Variants in TUSC3 observed in about 807,000 individuals in gnomAD.
The protein encoded by TUSC3 is tumor suppressor candidate 3.
A neutral mutation model predicts 44.8 loss-of-function variants in TUSC3; 45 were observed. The ratio of observed to expected loss-of-function variants is 1.00; its 90% CI spans 0.79 to 1.29. TUSC3 has a LOEUF of 1.29. TUSC3 is among the 50% of genes most tolerant of loss of function. The pLI, the probability that TUSC3 is intolerant of heterozygous loss-of-function variation, is 0.00. For missense variants in TUSC3, 519 were observed against 437.9 expected (o/e 1.19, Z -1.65); for synonymous variants, 212 against 152.9 (o/e 1.39, Z -2.85).
At chr8:15,442,914 G>A (rs949069542) in intron 1 of TUSC3, among the ~76,000 whole-genome samples, 2 of 151,962 alleles carry the variant, frequency 1.3e-5, no homozygotes, top group African/African-American at 2.4e-5. Flanking sequence ...TCTCTCCCCC[G>A]ACTCTTATTA....
At chr8:15,438,432 G>A (rs533135640) in intron 1 of TUSC3, among the ~76,000 whole-genome samples, 1 of 148,076 alleles carries the variant, frequency 6.8e-6, no homozygotes, top group Non-Finnish European at 1.5e-5. Context: ...TGCATATAAA[G>A]TATGTGCATG....
At chr8:15,568,106 T>C (rs1407743270) in intron 1 of TUSC3, among the ~76,000 whole-genome samples, 3 of 152,142 alleles carry the variant, frequency 2.0e-5, no homozygotes, top group Non-Finnish European at 4.4e-5. Context: ...AGCCATTCTC[T>C]GAGATTTGTC....
chr8:15,653,391 T>C (rs1415690293), intron 3 of TUSC3, among the ~76,000 whole-genome samples: 1 of 152,246 alleles, frequency 6.6e-6, no homozygotes, highest in African/African-American at 2.4e-5. Flanking sequence ...AAATCTTCTG[T>C]GATATTATTA....
intron 1 of TUSC3, among the ~76,000 whole-genome samples, chr8:15,591,035 C>A (rs1193997016): frequency 6.6e-6 from 1 of 152,070 alleles, no homozygotes; most frequent in Non-Finnish European, 1.5e-5. Context: ...ATGCTGAGTT[C>A]TTTAAAGTAC....
the TUSC3 span, among the ~76,000 whole-genome samples, chr8:15,851,987 GTCT>G: frequency 6.6e-6 from 1 of 151,956 alleles, no homozygotes; most frequent in Non-Finnish European, 1.5e-5. Flanking sequence ...TTTTTCTCTT[GTCT>G]CCCGCCATGT....
chr8:15,619,328 A>G (rs1366980191), intron 1 of TUSC3, among the ~76,000 whole-genome samples: 1 of 152,218 alleles, frequency 6.6e-6, no homozygotes, highest in Non-Finnish European at 1.5e-5. Context: ...TAATTCACAA[A>G]ATGTAATCAA....
chr8:15,793,999 G>C, the TUSC3 span, among the ~76,000 whole-genome samples: 4 of 152,050 alleles, frequency 2.6e-5, no homozygotes, highest in Non-Finnish European at 4.4e-5. Flanking sequence ...TCCTAAAGAA[G>C]AAAGAGTCAG....
At chr8:15,457,649 T>G (rs532895773) in intron 1 of TUSC3, among the ~76,000 whole-genome samples, 18 of 149,886 alleles carry the variant, frequency 1.2e-4, no homozygotes, top group African/African-American at 4.1e-4. Context: ...CAAAAGCCTA[T>G]CCATAGGAAA....
In TUSC3 at chr8:15,611,839, ATAATAT is replaced by A. The variant is rs1804775079; in HGVS notation, c.139-11237_139-11232del. 2.0e-5 allele frequency among the ~76,000 whole-genome samples: 3 copies of A among 152,188 alleles called. 1 individual carries two copies. The South Asian group carries it at 6.2e-4, about 31-fold the overall frequency. ...TATTTTTAAATCTGTTAAGTATGAC[ATAATAT>A]TAAGAAATATGAATACAGATTTTTA... On this transcript the variant is annotated intron_variant, in intron 1 of 10. Transcript: ENST00000503731.
At chr8:15,538,708 A>G (rs193302743), upstream of TUSC3, among the ~76,000 whole-genome samples, 1 of 152,350 alleles carries the variant, frequency 6.6e-6, no homozygotes, top group Non-Finnish European at 1.5e-5. Flanking sequence ...TTATAAAGGC[A>G]GGCAACAAAC....
chr8:15,702,915 A>T (rs1314719161), intron 6 of TUSC3, among the ~76,000 whole-genome samples: 1 of 152,174 alleles, frequency 6.6e-6, no homozygotes, highest in Admixed American at 6.6e-5. Flanking sequence ...AGTTTCAGAA[A>T]GATGAGCTGA....
intron 1 of TUSC3, among the ~76,000 whole-genome samples, chr8:15,572,009 A>G (rs186038963): frequency 2.8e-4 from 42 of 152,160 alleles, no homozygotes; most frequent in Admixed American, 2.5e-3. Flanking sequence ...ATTGCGCTGG[A>G]CCTTAGGCTT....
chr8:15,540,438 C>A lies in TUSC3; in HGVS notation c.8C>A (p.Ala3Asp), dbSNP rs754044476. The change falls in exon 1 of 11, where the codon GCC becomes GAC. Residue 3 changes from alanine (A) to aspartate (D), a missense_variant. By Grantham distance (126) the Ala-to-Asp change is moderately radical. Transcript: ENST00000503731. Reference sequence around the variant, plus strand: ...AGACACTGCCCTGCCGCGATGGGGGCCCGGGGCGCTCCTTCACGCCGTAGG... The same window carrying A: ...AGACACTGCCCTGCCGCGATGGGGGACCGGGGCGCTCCTTCACGCCGTAGG... Reference protein sequence around the residue: MGARGAPSRRRQA... With the variant: MGDRGAPSRRRQA... 29 of 1,592,954 alleles carry A rather than the reference C, an allele frequency of 1.8e-5. No homozygotes were observed. Among genetic ancestry groups the A allele is most frequent in the Non-Finnish European group, 2.4e-5 (28 of 1,171,124 alleles).
chr8:15,718,816 G>C (rs1810172304), intron 6 of TUSC3, among the ~76,000 whole-genome samples: 1 of 151,824 alleles, frequency 6.6e-6, no homozygotes, highest in Non-Finnish European at 1.5e-5. Context: ...CTGTGAATTT[G>C]GACATTAAAA....
intron 1 of TUSC3, among the ~76,000 whole-genome samples, chr8:15,471,428 A>C (rs1212796679): frequency 6.6e-6 from 1 of 152,210 alleles, no homozygotes; most frequent in African/African-American, 2.4e-5. Context: ...ATGTTAAGTG[A>C]AGATTTATTC....
At chr8:15,593,498 C>T (rs537224054) in intron 1 of TUSC3, among the ~76,000 whole-genome samples, 105 of 152,162 alleles carry the variant, frequency 6.9e-4, no homozygotes, top group African/African-American at 2.5e-3. Flanking sequence ...TCCAAGTGAG[C>T]CATTAATAAT....
At chr8:15,468,200 T>G (rs990481772) in intron 1 of TUSC3, among the ~76,000 whole-genome samples, 4 of 152,176 alleles carry the variant, frequency 2.6e-5, no homozygotes, top group Non-Finnish European at 5.9e-5. Context: ...TGGTTGGTTT[T>G]GGTTTTTTCC....
chr8:15,804,549 G>A, the TUSC3 span, among the ~76,000 whole-genome samples: 1 of 152,154 alleles, frequency 6.6e-6, no homozygotes, highest in East Asian at 1.9e-4. Context: ...TGGCTAGCCA[G>A]CTATTCCAAC....
chr8:15,567,004 A>T (rs17121668), intron 1 of TUSC3, among the ~76,000 whole-genome samples: 1 of 152,106 alleles, frequency 6.6e-6, no homozygotes, highest in African/African-American at 2.4e-5. Flanking sequence ...CTTTTATACT[A>T]TGTGCTCTTG....
Sources: allele counts gnomAD v4.1 joint callset (sites outside exome capture counted in the v4.1 genomes callset), GRCh38; gene constraint gnomAD v4.1.1; transcripts MANE v1.5; gene names NCBI Gene and HGNC (gene_info 2026-07-23, HGNC 2026-07-21).